DLG2: variants seen among roughly 807,000 people sequenced by gnomAD.
DLG2 encodes the protein discs large MAGUK scaffold protein 2, also known as disks large homolog 2.
Under a neutral mutation model 132.5 loss-of-function variants are expected in DLG2, and 45 were observed. The observed-to-expected ratio is 0.34, with a 90% CI of 0.27 to 0.44. The LOEUF is 0.44. DLG2 is among the 20% of genes least tolerant of loss of function. The pLI is 1.00. For synonymous variants in DLG2, 424 were observed against 419.6 expected, an observed-to-expected ratio of 1.01 and a Z score of -0.13; for missense variants, 1,045 against 1,196.9, an observed-to-expected ratio of 0.87 and a Z score of 1.87.
At chr11:83,890,133 T>C (rs1396854211) in intron 15 of DLG2, among the ~76,000 whole-genome samples, 1 of 151,740 alleles carries the variant, frequency 6.6e-6, no homozygotes, top group Non-Finnish European at 1.5e-5. Flanking sequence ...AAAAGAAATT[T>C]TATATAAAAA....
At chr11:84,779,114 G>A (rs909782125) in intron 6 of DLG2, among the ~76,000 whole-genome samples, 2 of 151,884 alleles carry the variant, frequency 1.3e-5, no homozygotes, top group African/African-American at 4.8e-5. Flanking sequence ...ACTTGCAGAT[G>A]GCCTACTGTG....
At chr11:83,790,130 T>C (rs533837515) in intron 17 of DLG2, 11 of 870,720 alleles carry the variant, frequency 1.3e-5, no homozygotes, top group African/African-American at 3.4e-5. Flanking sequence ...TCTGACAAGG[T>C]AAGTTGCAGA....
intron 11 of DLG2, among the ~76,000 whole-genome samples, chr11:84,048,402 T>G (rs573001666): frequency 2.0e-5 from 3 of 151,594 alleles, no homozygotes; most frequent in Non-Finnish European, 4.4e-5. Context: ...AAAAGGAAAA[T>G]GTAGTGTTTT....
chr11:84,745,124 C>G (rs767995355), intron 6 of DLG2, among the ~76,000 whole-genome samples: 1 of 152,010 alleles, frequency 6.6e-6, no homozygotes, highest in African/African-American at 2.4e-5. Flanking sequence ...TCCTAGCCCT[C>G]TACTCAAAAA....
intron 7 of DLG2, 138 bp from the exon 8 acceptor site, chr11:84,251,429 G>T: frequency 1.8e-6 from 1 of 542,162 alleles, no homozygotes; most frequent in Non-Finnish European, 3.2e-6. Context: ...GTGTTAGTAG[G>T]GTAAATAAAA....
intron 7 of DLG2, among the ~76,000 whole-genome samples, chr11:84,351,723 T>C (rs1363694501): frequency 1.3e-5 from 2 of 152,174 alleles, no homozygotes; most frequent in East Asian, 3.8e-4. Context: ...GCCAGTAATC[T>C]TAGGAAAGTG....
At chr11:84,901,672 G>C (rs886160862) in intron 6 of DLG2, among the ~76,000 whole-genome samples, 4 of 151,950 alleles carry the variant, frequency 2.6e-5, no homozygotes. Context: ...TGTTTTAACA[G>C]CTTAAAATGT....
chr11:85,453,742 C>T (rs2092328479), intron 3 of DLG2: 1 of 152,166 alleles, frequency 6.6e-6, no homozygotes, highest in Non-Finnish European at 1.5e-5. Context: ...CTCCCAGACA[C>T]AGGAGTTTCA....
At chr11:84,400,900 G>A (rs1190018970) in intron 7 of DLG2, among the ~76,000 whole-genome samples, 5 of 151,698 alleles carry the variant, frequency 3.3e-5, no homozygotes, top group Non-Finnish European at 7.4e-5. Flanking sequence ...CCTCTACCCT[G>A]TCTACTGCAA....
intron 8 of DLG2, among the ~76,000 whole-genome samples, chr11:84,230,037 C>A (rs981696699): frequency 6.6e-6 from 1 of 152,118 alleles, no homozygotes; most frequent in Non-Finnish European, 1.5e-5. Context: ...TGTCAAGAAT[C>A]ACATAAATCT....
At chr11:84,781,640 C>G (rs2071795120) in intron 6 of DLG2, among the ~76,000 whole-genome samples, 1 of 152,130 alleles carries the variant, frequency 6.6e-6, no homozygotes, top group Non-Finnish European at 1.5e-5. Flanking sequence ...TATTGCTCCT[C>G]TTTAGGAGAC....
At chr11:83,725,174 TTTTC>T in intron 18 of DLG2, 1 of 402,466 alleles carries the variant, frequency 2.5e-6, no homozygotes, top group East Asian at 3.8e-5. Flanking sequence ...ACTCACCTCT[TTTTC>T]TTTCTCTTCT....
intron 6 of DLG2, among the ~76,000 whole-genome samples, chr11:85,094,553 A>G (rs2069403465): frequency 6.6e-6 from 1 of 152,200 alleles, no homozygotes; most frequent in Non-Finnish European, 1.5e-5. Context: ...GCAGTTTTAT[A>G]TAATATGGAT....
intron 4 of DLG2, among the ~76,000 whole-genome samples, chr11:85,231,295 A>G (rs1365838371): frequency 6.6e-6 from 1 of 151,928 alleles, no homozygotes; most frequent in African/African-American, 2.4e-5. Flanking sequence ...GCACTGATTT[A>G]AGTTCACTGA....
intron 7 of DLG2, among the ~76,000 whole-genome samples, chr11:84,469,571 T>C (rs1046181816): frequency 2.0e-5 from 3 of 151,652 alleles, no homozygotes; most frequent in African/African-American, 4.8e-5. Context: ...CTGTATATTG[T>C]AGTAAATCAA....
intron 7 of DLG2, among the ~76,000 whole-genome samples, chr11:84,259,152 A>C (rs1421714447): frequency 1.3e-5 from 2 of 151,472 alleles, no homozygotes; most frequent in African/African-American, 4.9e-5. Context: ...GGTGCCTGTA[A>C]CCCAGCTACT....
intron 7 of DLG2, among the ~76,000 whole-genome samples, chr11:84,270,979 C>A (rs765648245): frequency 9.9e-5 from 15 of 152,186 alleles, no homozygotes; most frequent in Non-Finnish European, 1.5e-4. Flanking sequence ...ATCATTAGTA[C>A]AAATTCCATA....
In DLG2 at chr11:85,046,803, T is replaced by G. The variant is rs1000641945; in HGVS notation, c.357+64858A>C. 5.3e-5 allele frequency among the ~76,000 whole-genome samples: 8 copies of G among 151,902 alleles called. No individual in the cohort carries two copies. The South Asian group carries it at 1.5e-3, about 28-fold the overall frequency. On this transcript the variant is annotated intron_variant, in intron 6 of 27. Transcript: ENST00000376104. ...TTGCCAACTTGCATTTCAAACCCCT[T>G]TGAATCCTAACTCTTTCTTCTGCTC...
In DLG2 at chr11:83,566,182, T is replaced by G. The variant is rs118055358; in HGVS notation, c.1941-24324A>C. ...CATTGTATAAAAGTTGAAGGATAACTGCTCAGTTATTACACGGGAGCAGCT... is the reference window on the plus strand; with the variant it reads ...CATTGTATAAAAGTTGAAGGATAACGGCTCAGTTATTACACGGGAGCAGCT... On this transcript the variant is annotated intron_variant, in intron 19 of 27. Coordinates refer to ENST00000376104, the MANE Select transcript of DLG2 (RefSeq NM_001142699.3). 1.5e-4 allele frequency among the ~76,000 whole-genome samples: 23 copies of G among 152,344 alleles called. No individual in the cohort carries two copies. The East Asian group carries it at 4.2e-3, about 28-fold the overall frequency.
Sources: gnomAD v4.1 joint callset for allele counts (sites outside exome capture counted in the v4.1 genomes callset) on GRCh38, gnomAD v4.1.1 for gene constraint, MANE v1.5 for transcripts, NCBI Gene and HGNC (gene_info 2026-07-23, HGNC 2026-07-21) for gene names.